IFT57: variants seen among roughly 807,000 people sequenced by gnomAD.
IFT57 encodes the protein intraflagellar transport 57, also known as intraflagellar transport protein 57 homolog.
In IFT57, 59 loss-of-function variants were observed where a neutral mutation model predicts 56.8. That is an observed-to-expected ratio of 1.04 (90% CI 0.84 to 1.29). The LOEUF (loss-of-function observed/expected upper bound fraction) is 1.29. Ranked by LOEUF, IFT57 falls within the 50% of genes most tolerant of loss-of-function variation. IFT57 has a pLI of 0.00. For synonymous variants in IFT57, 209 were observed against 186.1 expected, an observed-to-expected ratio of 1.12 and a Z score of -1.00; for missense variants, 470 against 522.1, an observed-to-expected ratio of 0.90 and a Z score of 0.97.
At chr3:108,186,340 T>C (rs1397859236) in intron 6 of IFT57, among the ~76,000 whole-genome samples, 1 of 143,130 alleles carries the variant, frequency 7.0e-6, no homozygotes, top group East Asian at 2.0e-4. Flanking sequence ...AAAAAAATGT[T>C]GGTGGGGATA....
rs878858653 is a variant in IFT57, at chr3:108,167,985, C to T, written c.778-121G>A. The T allele has an allele frequency of 1.3e-5, 7 of 545,558 alleles. No homozygotes were observed. The South Asian group carries it at 1.8e-4, about 14-fold the overall frequency. The allele number at this position is 545,558 out of a possible 1,614,324, so 33.8% of individuals were successfully genotyped here. A position where few individuals can be genotyped will look rare whatever the true frequency, so the allele number is the denominator to read the frequency against. ...CCTGCCCTATTTCAGGTGGGATAGC[C>T]CTATTTATAGCTTGCAATCAGATTA... On this transcript the variant is annotated intron_variant, in intron 6 of 10. Coordinates refer to ENST00000264538, the MANE Select transcript of IFT57 (RefSeq NM_018010.4).
At chr3:108,212,352 G>A (rs543486977) in intron 4 of IFT57, among the ~76,000 whole-genome samples, 1 of 152,218 alleles carries the variant, frequency 6.6e-6, no homozygotes, top group South Asian at 2.1e-4. Flanking sequence ...GGGATTACAG[G>A]TATAAGCCAG....
intron 8 of IFT57, 38 bp downstream of exon 8, chr3:108,166,816 T>C (rs1257023020): frequency 6.3e-7 from 1 of 1,583,494 alleles, no homozygotes; most frequent in Non-Finnish European, 8.6e-7. Flanking sequence ...TTAGGGTTGT[T>C]AACTTGAATA....
At chr3:108,216,054 T>G (rs565414305) in intron 3 of IFT57, among the ~76,000 whole-genome samples, 1 of 152,226 alleles carries the variant, frequency 6.6e-6, no homozygotes, top group African/African-American at 2.4e-5. Context: ...AAGAAAACAC[T>G]TCATGACATT....
chr3:108,212,096 C>A (rs188603726), intron 4 of IFT57, among the ~76,000 whole-genome samples: 6 of 152,168 alleles, frequency 3.9e-5, no homozygotes, highest in Non-Finnish European at 8.8e-5. Context: ...GATCTTCCCA[C>A]CTCAGCCTCC....
intron 1 of IFT57, 91 bp downstream of exon 1, chr3:108,222,020 G>T: frequency 6.6e-7 from 1 of 1,522,374 alleles, no homozygotes. Flanking sequence ...TTGCTAACCC[G>T]CTCTCACGAA....
intron 6 of IFT57, among the ~76,000 whole-genome samples, chr3:108,177,918 T>C (rs549698714): frequency 1.3e-5 from 2 of 151,886 alleles, no homozygotes; most frequent in South Asian, 4.1e-4. Context: ...GACATAATTA[T>C]AAATCAGAAA....
rs752137963 is a variant in IFT57, at chr3:108,222,145, ACTC to A, written c.175_177del (p.Glu59del). On this transcript the variant is annotated inframe_deletion, in exon 1 of 11. Transcript: ENST00000264538. ...GCCTTCAGGTTGCTCTTCCGGAGGA[ACTC>A]CTCCTCGTAGCGGAGCAGCTTCAGC... The A allele has an allele frequency of 8.1e-6, 13 of 1,611,924 alleles. No individual in the cohort carries two copies. Among genetic ancestry groups the A allele is most frequent in the South Asian group, 1.1e-5 (1 of 90,804 alleles).
chr3:108,169,956 T>C (rs182932209), intron 6 of IFT57, among the ~76,000 whole-genome samples: 50 of 152,160 alleles, frequency 3.3e-4, no homozygotes, highest in Middle Eastern at 6.8e-3. Flanking sequence ...CACTCCTTCA[T>C]GCTAAAAACT....
At chr3:108,196,288 C>G (rs1324481695) in intron 5 of IFT57, among the ~76,000 whole-genome samples, 2 of 152,094 alleles carry the variant, frequency 1.3e-5, no homozygotes, top group African/African-American at 4.8e-5. Flanking sequence ...CTTTCTTTCC[C>G]TCCTTACAAG....
intron 2 of IFT57, among the ~76,000 whole-genome samples, chr3:108,219,197 A>T (rs1294252876): frequency 6.6e-6 from 1 of 152,136 alleles, no homozygotes; most frequent in African/African-American, 2.4e-5. Context: ...ATTTTTTTAA[A>T]AAAATATTAC....
intron 4 of IFT57, among the ~76,000 whole-genome samples, chr3:108,210,073 G>T (rs940182611): frequency 1.1e-4 from 17 of 152,208 alleles, no homozygotes; most frequent in African/African-American, 3.4e-4. Flanking sequence ...TAAACTATTA[G>T]AATACAATAG....
rs1163148623 is a variant in IFT57, at chr3:108,219,543, C to T, written c.242G>A (p.Gly81Asp). The change falls in exon 2 of 11, where the codon GGC becomes GAC. Residue 81 changes from glycine (G) to aspartate (D), a missense_variant. Gly to Asp is a moderately conservative substitution (Grantham distance 94). Coordinates refer to ENST00000264538, the MANE Select transcript of IFT57 (RefSeq NM_018010.4). ...RHYFALPTNP[G>D]EQFYMFCTLA... is the part of the protein sequence containing the mutation. ...AGTACAAAACATGTAGAACTGTTCG[C>T]CAGGGTTGGTAGGCAGTGCAAAATA... The T allele has an allele frequency of 6.2e-7, 1 of 1,613,882 alleles. No individual in the cohort carries two copies. Among genetic ancestry groups the T allele is most frequent in the East Asian group, 2.2e-5 (1 of 44,858 alleles).
chr3:108,213,622 C>A (rs1015906733), intron 4 of IFT57, among the ~76,000 whole-genome samples: 2 of 152,130 alleles, frequency 1.3e-5, no homozygotes, highest in African/African-American at 4.8e-5. Flanking sequence ...GTTTTAAATT[C>A]TTTATTAGTC....
At chr3:108,202,016 T>C (rs1431971543) in intron 5 of IFT57, among the ~76,000 whole-genome samples, 2 of 152,238 alleles carry the variant, frequency 1.3e-5, no homozygotes, top group African/African-American at 2.4e-5. Context: ...TTGAGATACT[T>C]GGTTTTACAC....
chr3:108,185,647 C>G (rs149349325), intron 6 of IFT57, among the ~76,000 whole-genome samples: 1 of 151,002 alleles, frequency 6.6e-6, no homozygotes, highest in Non-Finnish European at 1.5e-5. Flanking sequence ...CAACCTCCCC[C>G]TCCTGGATTC....
chr3:108,175,504 A>G (rs146048103), intron 6 of IFT57, among the ~76,000 whole-genome samples: 1 of 151,838 alleles, frequency 6.6e-6, no homozygotes, highest in Non-Finnish European at 1.5e-5. Flanking sequence ...GGAGATGGTG[A>G]TTCACAGTAC....
At chr3:108,197,645 A>C (rs574120479) in intron 5 of IFT57, among the ~76,000 whole-genome samples, 5 of 152,220 alleles carry the variant, frequency 3.3e-5, no homozygotes, top group African/African-American at 1.2e-4. Flanking sequence ...TGAAGAGCTT[A>C]TATCATATAC....
intron 6 of IFT57, among the ~76,000 whole-genome samples, chr3:108,174,566 C>T (rs1338286996): frequency 6.6e-6 from 1 of 151,742 alleles, no homozygotes; most frequent in Non-Finnish European, 1.5e-5. Context: ...ATACTTCTAC[C>T]TTCTCTTTAA....
Sources: gnomAD v4.1 joint callset for allele counts (sites outside exome capture counted in the v4.1 genomes callset) on GRCh38, gnomAD v4.1.1 for gene constraint, MANE v1.5 for transcripts, NCBI Gene and HGNC (gene_info 2026-07-23, HGNC 2026-07-21) for gene names.